The following EYA3 variants were observed in gnomAD, a reference collection of about 807,000 sequenced individuals.
EYA3 encodes EYA transcriptional coactivator and phosphatase 3, also known as protein phosphatase EYA3.
Under a neutral mutation model 80.0 loss-of-function variants are expected in EYA3, and 39 were observed. The ratio of observed to expected loss-of-function variants is 0.49; its 90% CI spans 0.38 to 0.64. The LOEUF (loss-of-function observed/expected upper bound fraction) is 0.64. Among genes scored for constraint, EYA3 ranks in the 30% least tolerant of loss-of-function variants. The probability of loss-of-function intolerance (pLI) is 0.00; values close to 1 mark genes in which losing one functional copy is unlikely to be tolerated. For synonymous variants in EYA3, 206 were observed against 232.8 expected (o/e 0.88, Z 1.05); for missense variants, 523 against 676.1 (o/e 0.77, Z 2.51).
At chr1:27,986,640 A>G (rs112599822) in intron 16 of EYA3, among the ~76,000 whole-genome samples, 3,338 of 152,008 alleles carry the variant, frequency 0.022, 98 homozygotes, top group African/African-American at 0.067. Context: ...CAAGTGATCC[A>G]CCTGCCTTGG....
intron 13 of EYA3, among the ~76,000 whole-genome samples, chr1:27,994,492 C>T (rs924915609): frequency 5.3e-5 from 8 of 151,762 alleles, no homozygotes; most frequent in African/African-American, 1.7e-4. Context: ...TGAGGTCCCG[C>T]CTCGGCCAAC....
chr1:28,031,011 C>T (rs1416008117), intron 6 of EYA3, among the ~76,000 whole-genome samples: 1 of 152,062 alleles, frequency 6.6e-6, no homozygotes, highest in Non-Finnish European at 1.5e-5. Flanking sequence ...TTTATTTTTA[C>T]ACTATATGAA....
In EYA3 at chr1:27,970,801, T is replaced by C. The variant is rs1006322811; in HGVS notation, c.*3665A>G. ...ATAGAAGCCTGCTTAAGAGGGACCCTAACTGCCTCCTTGAGGAGTAAGGAG... is the reference window on the plus strand; with the variant it reads ...ATAGAAGCCTGCTTAAGAGGGACCCCAACTGCCTCCTTGAGGAGTAAGGAG... On this transcript the variant is annotated 3_prime_UTR_variant, in exon 18 of 18. Coordinates refer to ENST00000373871, the MANE Select transcript of EYA3 (RefSeq NM_001990.4). The C allele has an allele frequency of 6.6e-6, 1 of 152,244 alleles. No individual in the cohort carries two copies. The highest frequency in any genetic ancestry group is 2.4e-5 in the African/African-American group (1 of 41,462). The allele number at this position is 152,244 out of a possible 1,614,324, so 9.4% of individuals were successfully genotyped here.
In EYA3 at chr1:27,974,320, AGG is replaced by A. The variant is rs1427382287; in HGVS notation, c.*144_*145del. On this transcript the variant is annotated 3_prime_UTR_variant, in exon 18 of 18. Transcript: ENST00000373871. ...GAGAGAGGAAGGGAGGGAGGGAGAG[AGG>A]GAGAGAGAGAAAGAGAGAAAGAGAG... 1 of 505,302 alleles carries A rather than the reference AGG, an allele frequency of 2.0e-6. No individual in the cohort carries two copies. Among genetic ancestry groups the A allele is most frequent in the African/African-American group, 1.9e-5 (1 of 51,888 alleles). 31.3% of individuals were successfully genotyped at this position (505,302 alleles called of 1,614,324 possible).
chr1:27,992,004 G>A (rs1042953698), intron 14 of EYA3, among the ~76,000 whole-genome samples: 2 of 152,140 alleles, frequency 1.3e-5, no homozygotes, highest in African/African-American at 2.4e-5. Context: ...GAAGAAATAA[G>A]CAACAAAAAG....
intron 3 of EYA3, among the ~76,000 whole-genome samples, chr1:28,047,787 C>T (rs978639336): frequency 2.0e-5 from 3 of 151,992 alleles, no homozygotes; most frequent in Non-Finnish European, 4.4e-5. Context: ...CACAGGCGCC[C>T]GCCAACACGC....
Position 28,058,005 on chromosome 1 carries a change from G to A in EYA3, c.22C>T (p.Pro8Ser), listed in dbSNP as rs767652578. The change falls in exon 2 of 18, where the codon CCA becomes TCA. Residue 8 changes from proline to serine, a missense_variant. Physicochemically the swap from Pro to Ser is moderately conservative, Grantham distance 74. Around this residue, in one of 2 missense-constraint regions of EYA3, gnomAD observed 304 missense variants for 343.3 expected, o/e 0.89. Coordinates refer to ENST00000373871, the MANE Select transcript of EYA3 (RefSeq NM_001990.4). Reference sequence around the variant, plus strand: ...AAGGAAATACTTACTGGTTGCTCTGGTAAATCTTGCTCTTCTTCCATGAGG... The same window carrying A: ...AAGGAAATACTTACTGGTTGCTCTGATAAATCTTGCTCTTCTTCCATGAGG... MEEEQDL[P>S]EQPVKKAKMQ... 6.3e-7 allele frequency: 1 copy of A among 1,586,232 alleles called. No individual in the cohort carries two copies.
chr1:28,037,842 G>GTT (rs1643539090), intron 5 of EYA3, among the ~76,000 whole-genome samples: 1 of 152,164 alleles, frequency 6.6e-6, no homozygotes, highest in African/African-American at 2.4e-5. Context: ...GCCCCATAAA[G>GTT]TATCTCTTGC....
intron 3 of EYA3, among the ~76,000 whole-genome samples, chr1:28,045,667 A>G (rs1643976658): frequency 6.6e-6 from 1 of 152,198 alleles, no homozygotes; most frequent in African/African-American, 2.4e-5. Context: ...AAATATTTAA[A>G]TTATTATCCT....
chr1:28,027,706 T>C (rs1365193211), intron 7 of EYA3, 83 bp downstream of exon 7: 5 of 1,549,538 alleles, frequency 3.2e-6, no homozygotes, highest in Non-Finnish European at 3.5e-6. Flanking sequence ...TTATCCAATT[T>C]GTTTGTTTGG....
At chr1:28,068,586 AGTTG>A in intron 1 of EYA3, among the ~76,000 whole-genome samples, 1 of 151,488 alleles carries the variant, frequency 6.6e-6, no homozygotes, top group Non-Finnish European at 1.5e-5. Flanking sequence ...TAAAGAGCTT[AGTTG>A]AACAAAGAGC....
intron 1 of EYA3, among the ~76,000 whole-genome samples, chr1:28,087,987 A>G (rs1234728347): frequency 6.6e-6 from 1 of 152,192 alleles, no homozygotes; most frequent in African/African-American, 2.4e-5. Flanking sequence ...CTAGCTAAGG[A>G]CAGGCAGAAG....
At chr1:28,051,959 G>GAAAAAAAAAAA in intron 2 of EYA3, among the ~76,000 whole-genome samples, 1 of 131,648 alleles carries the variant, frequency 7.6e-6, no homozygotes, top group African/African-American at 2.7e-5. Flanking sequence ...AAACAATCTT[G>GAAAAAAAAAAA]AAAAAAAAAA....
At chr1:27,987,807 C>T (rs1353260678) in intron 16 of EYA3, among the ~76,000 whole-genome samples, 2 of 152,254 alleles carry the variant, frequency 1.3e-5, no homozygotes, top group Admixed American at 1.3e-4. Context: ...CTGCCTCAGC[C>T]TCCCAAGTAG....
At chr1:28,076,696 G>A (rs373178467) in intron 1 of EYA3, among the ~76,000 whole-genome samples, 27 of 121,408 alleles carry the variant, frequency 2.2e-4, no homozygotes, top group South Asian at 5.0e-4. Context: ...AGAAAGAAAA[G>A]AAAAAAAATG....
At position 27,978,416 on chromosome 1, in the gene EYA3, T is replaced by C. The variant is rs1363123790; in HGVS notation, c.1599A>G (p.Val533=). The C allele has an allele frequency of 9.9e-6, 16 of 1,614,178 alleles. No individual in the cohort carries two copies. The highest frequency in any genetic ancestry group is 1.3e-5 in the African/African-American group (1 of 75,054). ...CTTCATCTCGTCCATCTCCAATCAC[T>C]ACATATGTGACTTTCTTTCCAAACC... ...VSRFGKKVTY[V]VIGDGRDEEI... The change falls in exon 17 of 18, where the codon GTA becomes GTG. Residue 533 remains valine (V), a synonymous_variant. Coordinates refer to ENST00000373871, the MANE Select transcript of EYA3 (RefSeq NM_001990.4).
intron 7 of EYA3, among the ~76,000 whole-genome samples, chr1:28,021,525 C>A (rs1031555776): frequency 2.0e-5 from 3 of 152,120 alleles, no homozygotes; most frequent in Admixed American, 2.0e-4. Flanking sequence ...ACCTGACATA[C>A]AGCAGGTGAT....
chr1:27,985,210 C>A (rs1451566166), intron 16 of EYA3, among the ~76,000 whole-genome samples: 1 of 151,288 alleles, frequency 6.6e-6, no homozygotes, highest in African/African-American at 2.4e-5. Context: ...CCCAAGTAGC[C>A]GGGACTACAG....
At chr1:28,052,243 A>G (rs1241356895) in intron 2 of EYA3, among the ~76,000 whole-genome samples, 1 of 152,098 alleles carries the variant, frequency 6.6e-6, no homozygotes, top group East Asian at 1.9e-4. Context: ...ATCTCAGGTG[A>G]TCTGCCCACC....
Sources: gnomAD v4.1 joint callset for allele counts (sites outside exome capture counted in the v4.1 genomes callset) on GRCh38, gnomAD v4.1.1 for gene constraint, gnomAD v4.1.1 regional missense constraint, MANE v1.5 for transcripts, NCBI Gene and HGNC (gene_info 2026-07-23, HGNC 2026-07-21) for gene names.